The following VWA8 variants were observed in gnomAD, a reference collection of about 807,000 sequenced individuals.
The protein encoded by VWA8 is von Willebrand factor A domain containing 8.
In VWA8, 221 loss-of-function variants were observed where a neutral mutation model predicts 241.5. The ratio of observed to expected loss-of-function variants is 0.91; its 90% CI spans 0.82 to 1.02. The LOEUF (loss-of-function observed/expected upper bound fraction) is 1.02. Among genes scored for constraint, VWA8 ranks in the 50% least tolerant of loss-of-function variants. The probability of loss-of-function intolerance (pLI) is 0.00; values close to 1 mark genes in which losing one functional copy is unlikely to be tolerated. For missense variants in VWA8, 2,322 were observed against 2,328.7 expected, an observed-to-expected ratio of 1.00 and a Z score of 0.06; for synonymous variants, 852 against 827.1, an observed-to-expected ratio of 1.03 and a Z score of -0.52.
At chr13:41,675,096 A>G in intron 36 of VWA8, 119 bp downstream of exon 36, 1 of 601,550 alleles carries the variant, frequency 1.7e-6, no homozygotes, top group Non-Finnish European at 2.8e-6. Flanking sequence ...TGTAACTGGA[A>G]AAAAAAAGAG....
intron 15 of VWA8, 118 bp from the exon 16 acceptor site, chr13:41,816,893 T>C: frequency 2.5e-6 from 2 of 801,314 alleles, no homozygotes; most frequent in South Asian, 1.8e-5. Context: ...AGAAAAGTCA[T>C]TCATTGTTGG....
At chr13:41,595,566 T>A (rs2044482686) in intron 40 of VWA8, among the ~76,000 whole-genome samples, 1 of 152,178 alleles carries the variant, frequency 6.6e-6, no homozygotes, top group Non-Finnish European at 1.5e-5. Context: ...TCTGTTACTA[T>A]AAATTAAGTT....
intron 2 of VWA8, among the ~76,000 whole-genome samples, chr13:41,919,810 G>A (rs764356777): frequency 5.3e-5 from 8 of 152,014 alleles, no homozygotes; most frequent in Admixed American, 2.0e-4. Context: ...TGCCATAGCC[G>A]ACACTGTACC....
At chr13:41,570,407 A>G (rs1157206318) in intron 44 of VWA8, 61 bp downstream of exon 44, 3 of 1,447,794 alleles carry the variant, frequency 2.1e-6, no homozygotes, top group Admixed American at 1.7e-5. Flanking sequence ...ATAAAACAGC[A>G]TGTGTTAGCT....
At chr13:41,800,632 C>CA (rs11323563) in intron 17 of VWA8, among the ~76,000 whole-genome samples, 259 of 149,316 alleles carry the variant, frequency 1.7e-3, no homozygotes, top group African/African-American at 5.9e-3. Flanking sequence ...ACTAAAAATA[C>CA]AAAAAAAAAA....
intron 14 of VWA8, among the ~76,000 whole-genome samples, 157 bp downstream of exon 14, chr13:41,830,372 G>C (rs1871394019): frequency 1.3e-5 from 2 of 150,784 alleles, no homozygotes; most frequent in African/African-American, 4.9e-5. Flanking sequence ...GCAACCTCAA[G>C]TTTTAAGAAA....
chr13:41,608,267 T>A (rs532991396), intron 39 of VWA8, among the ~76,000 whole-genome samples: 3 of 152,160 alleles, frequency 2.0e-5, no homozygotes, highest in Non-Finnish European at 2.9e-5. Flanking sequence ...TTCAGAAAGA[T>A]CACCTACAAG....
chr13:41,691,571 T>C (rs2137817599), intron 31 of VWA8, 126 bp from the exon 32 acceptor site: 5 of 1,273,778 alleles, frequency 3.9e-6, no homozygotes, highest in Non-Finnish European at 5.2e-6. Flanking sequence ...AGTAATAATA[T>C]AGAAAAATGT....
chr13:41,878,142 C>G (rs1050962425), intron 9 of VWA8, among the ~76,000 whole-genome samples: 1 of 151,916 alleles, frequency 6.6e-6, no homozygotes, highest in African/African-American at 2.4e-5. Flanking sequence ...TATCATTTAT[C>G]AAGGAAAAGT....
chr13:41,804,891 C>T (rs144425773), intron 17 of VWA8, among the ~76,000 whole-genome samples: 1 of 151,998 alleles, frequency 6.6e-6, no homozygotes, highest in African/African-American at 2.4e-5. Flanking sequence ...CTCATGGTAA[C>T]CTCGAACCAA....
At position 41,683,922 on chromosome 13, in the gene VWA8, T is replaced by C. The variant is rs573941562; in HGVS notation, c.4327+1125A>G. Among the ~76,000 whole-genome samples, 19 of 152,284 alleles carry C rather than the reference T, an allele frequency of 1.2e-4. No homozygotes were observed. In the East Asian group the frequency reaches 3.5e-3, roughly 28 times the overall value. The stretch of plus-strand genomic sequence containing the variant: ...CACTAAACTCTGGTACATAACTTCT[T>C]GTAATTCCTGGAATGCTCTGCCAAG... On this transcript the variant is annotated intron_variant, in intron 35 of 44. Transcript: ENST00000379310.
intron 17 of VWA8, among the ~76,000 whole-genome samples, chr13:41,802,420 G>C (rs1682773137): frequency 1.3e-5 from 2 of 152,136 alleles, no homozygotes; most frequent in South Asian, 4.1e-4. Context: ...AGGCTGTCTA[G>C]GCCACAGGAA....
intron 21 of VWA8, among the ~76,000 whole-genome samples, chr13:41,735,097 C>G (rs2045514761): frequency 6.6e-6 from 1 of 152,032 alleles, no homozygotes; most frequent in Admixed American, 6.6e-5. Context: ...AATATTCTAG[C>G]AATAGAGAAG....
intron 35 of VWA8, among the ~76,000 whole-genome samples, chr13:41,677,963 A>G (rs1409919711): frequency 6.6e-6 from 1 of 151,770 alleles, no homozygotes; most frequent in Non-Finnish European, 1.5e-5. Flanking sequence ...CAGCTGAAAA[A>G]CTCGACATAT....
chr13:41,819,441 G>C (rs1219719797), intron 14 of VWA8, 55 bp from the exon 15 acceptor site: 1 of 1,542,850 alleles, frequency 6.5e-7, no homozygotes, highest in Non-Finnish European at 8.7e-7. Flanking sequence ...TAAGAAATCA[G>C]ATCATGGTAA....
At chr13:41,652,471 C>T (rs2044875635) in intron 37 of VWA8, among the ~76,000 whole-genome samples, 1 of 152,158 alleles carries the variant, frequency 6.6e-6, no homozygotes, top group African/African-American at 2.4e-5. Flanking sequence ...TCAGAAGCAG[C>T]TAGCACATAC....
chr13:41,624,578 T>C (rs563232376), intron 37 of VWA8, among the ~76,000 whole-genome samples: 112 of 152,224 alleles, frequency 7.4e-4, no homozygotes, highest in African/African-American at 2.4e-3. Context: ...GAAAACCACA[T>C]GATCATCTCA....
chr13:41,795,383 T>G (rs572722146), intron 17 of VWA8, among the ~76,000 whole-genome samples: 34 of 152,318 alleles, frequency 2.2e-4, no homozygotes, highest in African/African-American at 8.2e-4. Context: ...TGGAAGACAA[T>G]GTGATGATTC....
intron 27 of VWA8, 96 bp downstream of exon 27, chr13:41,703,207 C>A (rs1008623275): frequency 2.0e-6 from 2 of 1,013,060 alleles, no homozygotes; most frequent in African/African-American, 3.2e-5. Flanking sequence ...AACATCCGAA[C>A]AAATCATTTC....
Sources: allele counts gnomAD v4.1 joint callset (sites outside exome capture counted in the v4.1 genomes callset), GRCh38; gene constraint gnomAD v4.1.1; transcripts MANE v1.5; gene names NCBI Gene and HGNC (gene_info 2026-07-23, HGNC 2026-07-21).